Variants in SLC9C1 observed in about 807,000 individuals in gnomAD.
SLC9C1 encodes solute carrier family 9 member C1, also known as sodium/hydrogen exchanger 10.
SLC9C1 carries 97 observed loss-of-function variants against 140.9 expected under a neutral mutation model. The ratio of observed to expected loss-of-function variants is 0.69; its 90% CI spans 0.58 to 0.82. The LOEUF is 0.82. Among genes scored for constraint, SLC9C1 ranks in the 40% least tolerant of loss-of-function variants. The probability of loss-of-function intolerance (pLI) is 0.00; values close to 1 mark genes in which losing one functional copy is unlikely to be tolerated. For missense variants in SLC9C1, 1,340 were observed against 1,389.3 expected (o/e 0.96, Z 0.56); for synonymous variants, 440 against 442.6 (o/e 0.99, Z 0.07).
At chr3:112,277,648 A>G (rs2080250626) in intron 5 of SLC9C1, 47 bp downstream of exon 5, 1 of 1,389,256 alleles carries the variant, frequency 7.2e-7, no homozygotes, top group Admixed American at 2.7e-5. Flanking sequence ...CAAGTTCATT[A>G]TGAAATATGA....
At chr3:112,246,264 A>G (rs1462482499) in intron 10 of SLC9C1, among the ~76,000 whole-genome samples, 1 of 152,168 alleles carries the variant, frequency 6.6e-6, no homozygotes, top group Non-Finnish European at 1.5e-5. Flanking sequence ...CATCAAGTAA[A>G]GTAATTAAGC....
At chr3:112,216,584 C>T (rs895424643) in intron 15 of SLC9C1, among the ~76,000 whole-genome samples, 1 of 151,836 alleles carries the variant, frequency 6.6e-6, no homozygotes, top group African/African-American at 2.4e-5. Flanking sequence ...GACATTTATG[C>T]AGCCAAAAGA....
chr3:112,203,285 T>C (rs554749417), intron 17 of SLC9C1, among the ~76,000 whole-genome samples: 2 of 152,030 alleles, frequency 1.3e-5, no homozygotes, highest in Non-Finnish European at 2.9e-5. Flanking sequence ...TTTATTAGTT[T>C]CTTCATCTGA....
chr3:112,238,926 T>C (rs1490042586), intron 12 of SLC9C1, among the ~76,000 whole-genome samples: 1 of 152,194 alleles, frequency 6.6e-6, no homozygotes, highest in Non-Finnish European at 1.5e-5. Flanking sequence ...GAGGAGGCAG[T>C]CTGTCTGTTC....
At chr3:112,202,783 A>G (rs1465729593) in intron 17 of SLC9C1, among the ~76,000 whole-genome samples, 2 of 152,050 alleles carry the variant, frequency 1.3e-5, no homozygotes, top group Non-Finnish European at 2.9e-5. Flanking sequence ...AACACCTCCT[A>G]CTTGATGGTC....
chr3:112,240,585 G>A (rs1259479940), intron 11 of SLC9C1, among the ~76,000 whole-genome samples: 1 of 152,172 alleles, frequency 6.6e-6, no homozygotes, highest in Non-Finnish European at 1.5e-5. Context: ...CTGCCTTATG[G>A]TCTTTGAGCA....
intron 26 of SLC9C1, among the ~76,000 whole-genome samples, chr3:112,159,584 G>A (rs193190608): frequency 3.9e-5 from 6 of 151,996 alleles, no homozygotes; most frequent in East Asian, 1.9e-4. Flanking sequence ...CTCATTTGGT[G>A]TAGGGTCTAG....
chr3:112,236,569 A>T (rs538702658), intron 12 of SLC9C1, among the ~76,000 whole-genome samples: 45 of 144,430 alleles, frequency 3.1e-4, no homozygotes, highest in Non-Finnish European at 6.2e-4. Flanking sequence ...TTAGGGTGTC[A>T]ATTTTAGATC....
intron 4 of SLC9C1, 83 bp downstream of exon 4, chr3:112,278,646 T>A (rs2080278430): frequency 1.4e-6 from 2 of 1,434,018 alleles, no homozygotes; most frequent in Non-Finnish European, 1.8e-6. Context: ...TGTTCCCTAT[T>A]TTGGAAAAAA....
At chr3:112,202,803 G>A (rs1279125534) in intron 17 of SLC9C1, among the ~76,000 whole-genome samples, 1 of 151,630 alleles carries the variant, frequency 6.6e-6, no homozygotes, top group Admixed American at 6.6e-5. Context: ...CTGGTCAGGT[G>A]AGAAACCACC....
chr3:112,171,934 T>C (rs1333592354), intron 23 of SLC9C1, among the ~76,000 whole-genome samples: 1 of 152,214 alleles, frequency 6.6e-6, no homozygotes, highest in Non-Finnish European at 1.5e-5. Flanking sequence ...TGGATTTATT[T>C]ATGGATTCTC....
rs577518847 is a variant in SLC9C1 at position 112,209,689 on chromosome 3, T to C, written c.1791-1316A>G. ...TATATAAAAATCAGTTGTATTTCTA[T>C]ACACTAGAAAGTACTGATCTGAAAA... is the stretch of plus-strand genomic sequence containing the variant. On this transcript the variant is annotated intron_variant, in intron 15 of 28. Coordinates refer to ENST00000305815, the MANE Select transcript of SLC9C1 (RefSeq NM_183061.3). 9.1e-4 allele frequency among the ~76,000 whole-genome samples: 139 copies of C among 152,272 alleles called. 1 individual carries two copies. The Middle Eastern group carries it at 0.01, about 11-fold the overall frequency.
At chr3:112,160,839 T>C (rs376535649) in intron 26 of SLC9C1, among the ~76,000 whole-genome samples, 7,302 of 149,566 alleles carry the variant, frequency 0.049, 236 homozygotes, top group South Asian at 0.068. Context: ...CCTGAGGAAT[T>C]GCCACACTGA....
At chr3:112,191,939 T>G (rs544750804) in intron 20 of SLC9C1, among the ~76,000 whole-genome samples, 221 of 152,266 alleles carry the variant, frequency 1.5e-3, no homozygotes, top group Admixed American at 3.6e-3. Context: ...ATGTTTGCTA[T>G]TGGACTCAAC....
chr3:112,167,336 A>C lies in SLC9C1; in HGVS notation c.3249T>G (p.Ile1083Met), dbSNP rs761803068. 2 of 1,594,446 alleles carry C rather than the reference A, an allele frequency of 1.3e-6. No individual in the cohort carries two copies. The highest frequency in any genetic ancestry group is 2.7e-5 in the African/African-American group (2 of 74,136). ...IPITCHQIQS[I>M]EDFTKVVIIQ... is the part of the protein sequence containing the mutation. Reference sequence around the variant, plus strand: ...TAATCACTACTTTTGTGAAATCTTCAATACTTTGTATCTGAAAGTTGACAG... The same window carrying C: ...TAATCACTACTTTTGTGAAATCTTCCATACTTTGTATCTGAAAGTTGACAG... Residue 1083 changes from isoleucine (I) to methionine (M), a missense_variant, in exon 26 of 29, where the codon ATT becomes ATG. Physicochemically the swap from Ile to Met is conservative, Grantham distance 10. Transcript: ENST00000305815.
chr3:112,291,174 C>T (rs2080671096), intron 1 of SLC9C1, among the ~76,000 whole-genome samples: 1 of 152,018 alleles, frequency 6.6e-6, no homozygotes, highest in African/African-American at 2.4e-5. Context: ...TTTGTAGTGG[C>T]TGGTAATGGC....
At chr3:112,252,519 T>A (rs186744673) in intron 10 of SLC9C1, among the ~76,000 whole-genome samples, 2 of 152,310 alleles carry the variant, frequency 1.3e-5, no homozygotes, top group Non-Finnish European at 2.9e-5. Context: ...AATTGCTCTA[T>A]GAAAAAGCAG....
intron 20 of SLC9C1, among the ~76,000 whole-genome samples, chr3:112,195,218 T>A (rs1313354746): frequency 6.6e-6 from 1 of 152,172 alleles, no homozygotes; most frequent in African/African-American, 2.4e-5. Flanking sequence ...TATTTTGAAG[T>A]TTTAACCATG....
intron 13 of SLC9C1, among the ~76,000 whole-genome samples, chr3:112,225,972 T>A (rs1390252038): frequency 6.6e-6 from 1 of 151,916 alleles, no homozygotes; most frequent in Admixed American, 6.6e-5. Context: ...AATAGTTGGG[T>A]CTTTAAAACC....
Sources: allele counts gnomAD v4.1 joint callset (sites outside exome capture counted in the v4.1 genomes callset), GRCh38; gene constraint gnomAD v4.1.1; transcripts MANE v1.5; gene names NCBI Gene and HGNC (gene_info 2026-07-23, HGNC 2026-07-21).